Variants in LOC128706666 observed in about 807,000 individuals in gnomAD.
At chr20:10,426,516 C>G in the LOC128706666 span, among the ~76,000 whole-genome samples, 1 of 152,212 alleles carries the variant, frequency 6.6e-6, no homozygotes, top group African/African-American at 2.4e-5. Flanking sequence ...TCTCGTACCT[C>G]AGCCTCCCAG....
At chr20:10,422,713 CTT>C in the LOC128706666 span, among the ~76,000 whole-genome samples, 15 of 143,374 alleles carry the variant, frequency 1.0e-4, no homozygotes, top group Admixed American at 2.1e-4. Context: ...GTTATATTAT[CTT>C]TTTTTTTTTT....
the LOC128706666 span, chr20:10,431,659 T>C: frequency 6.6e-6 from 1 of 152,234 alleles, no homozygotes; most frequent in South Asian, 2.1e-4. Flanking sequence ...CTCCTCTGAA[T>C]TAGTCTCAAT....
chr20:10,430,046 C>A, the LOC128706666 span, among the ~76,000 whole-genome samples: 1 of 148,478 alleles, frequency 6.7e-6, no homozygotes, highest in Non-Finnish European at 1.5e-5. Context: ...AACAAAAAAA[C>A]AAAAACAAAA....
chr20:10,416,497 A>T, the LOC128706666 span, among the ~76,000 whole-genome samples: 27,937 of 151,986 alleles, frequency 0.18, 3,322 homozygotes, highest in African/African-American at 0.33. Flanking sequence ...ACATGACGAC[A>T]GCAACAGATT....
chr20:10,427,069 CACACACACACAA>C, the LOC128706666 span, among the ~76,000 whole-genome samples: 2 of 126,008 alleles, frequency 1.6e-5, no homozygotes, highest in Admixed American at 7.9e-5. Context: ...CACACACACA[CACACACACACAA>C]AGTAAGGTTA....
chr20:10,424,326 CA>C, the LOC128706666 span, among the ~76,000 whole-genome samples: 3 of 151,990 alleles, frequency 2.0e-5, no homozygotes, highest in East Asian at 5.8e-4. Flanking sequence ...GAGGCTCAGG[CA>C]GGGGGACTGC....
At chr20:10,424,944 T>G in the LOC128706666 span, among the ~76,000 whole-genome samples, 112 of 151,782 alleles carry the variant, frequency 7.4e-4, no homozygotes, top group African/African-American at 2.6e-3. Context: ...TCCCAGCTAC[T>G]CGGGAGGCTG....
the LOC128706666 span, among the ~76,000 whole-genome samples, chr20:10,433,176 T>C: frequency 2.6e-5 from 4 of 152,236 alleles, no homozygotes; most frequent in African/African-American, 9.6e-5. Flanking sequence ...GCTCATTTTT[T>C]TGTACTTTTA....
At chr20:10,432,284 T>C in the LOC128706666 span, among the ~76,000 whole-genome samples, 16 of 152,334 alleles carry the variant, frequency 1.1e-4, no homozygotes, top group African/African-American at 3.8e-4. Flanking sequence ...CCAATCCTGC[T>C]TCCTTTCTTC....
At chr20:10,423,002 C>T in the LOC128706666 span, among the ~76,000 whole-genome samples, 14 of 152,084 alleles carry the variant, frequency 9.2e-5, no homozygotes, top group Non-Finnish European at 1.9e-4. Flanking sequence ...TGAGCCACTG[C>T]GCCCGGCCCT....
chr20:10,432,424 C>T, the LOC128706666 span, among the ~76,000 whole-genome samples: 1 of 152,168 alleles, frequency 6.6e-6, no homozygotes, highest in Non-Finnish European at 1.5e-5. Flanking sequence ...TGCAATCACC[C>T]CTCAGTATTT....
At chr20:10,421,123 A>G in the LOC128706666 span, among the ~76,000 whole-genome samples, 1 of 152,086 alleles carries the variant, frequency 6.6e-6, no homozygotes, top group African/African-American at 2.4e-5. Context: ...TTTTTAAATT[A>G]TATTTTTTAA....
chr20:10,423,038 A>G, the LOC128706666 span, among the ~76,000 whole-genome samples: 2 of 152,032 alleles, frequency 1.3e-5, no homozygotes, highest in Non-Finnish European at 2.9e-5. Context: ...TTTAAGAGCC[A>G]TTTCTGCCAT....
chr20:10,428,838 C>T, the LOC128706666 span, among the ~76,000 whole-genome samples: 60,407 of 126,538 alleles, frequency 0.48, 12,325 homozygotes, highest in Admixed American at 0.51. Context: ...AGCAAGACTC[C>T]GTCTCAATAA....
At chr20:10,427,029 G>GACACACACACACACACACACAC in the LOC128706666 span, among the ~76,000 whole-genome samples, 213 of 130,778 alleles carry the variant, frequency 1.6e-3, 1 homozygote, top group Non-Finnish European at 2.3e-3. Flanking sequence ...AGAAAACACT[G>GACACACACACACACACACACAC]ACACACACAC....
the LOC128706666 span, among the ~76,000 whole-genome samples, chr20:10,424,838 G>T: frequency 6.6e-6 from 1 of 151,962 alleles, no homozygotes; most frequent in African/African-American, 2.4e-5. Flanking sequence ...GATCACCTGA[G>T]GTCAGGAGTT....
At chr20:10,424,981 A>G in the LOC128706666 span, among the ~76,000 whole-genome samples, 1 of 151,738 alleles carries the variant, frequency 6.6e-6, no homozygotes, top group Non-Finnish European at 1.5e-5. Flanking sequence ...TGAACCTGGG[A>G]GGCGGAGGTT....
At chr20:10,429,143 C>G in the LOC128706666 span, among the ~76,000 whole-genome samples, 1 of 152,220 alleles carries the variant, frequency 6.6e-6, no homozygotes, top group Non-Finnish European at 1.5e-5. Flanking sequence ...TAGTCACTTC[C>G]CATTCCATCT....
At chr20:10,431,171 G>C in the LOC128706666 span, among the ~76,000 whole-genome samples, 9 of 152,036 alleles carry the variant, frequency 5.9e-5, no homozygotes, top group Non-Finnish European at 1.2e-4. Flanking sequence ...TATAAAAATA[G>C]GCACCCCTGG....
Sources: gnomAD v4.1 joint callset for allele counts (sites outside exome capture counted in the v4.1 genomes callset) on GRCh38, gnomAD v4.1.1 for gene constraint, MANE v1.5 for transcripts.